The following SLC45A2 variants were observed in gnomAD, a reference collection of about 807,000 sequenced individuals.
SLC45A2 encodes the protein membrane-associated transporter protein.
Under a neutral mutation model 45.5 loss-of-function variants are expected in SLC45A2, and 36 were observed. That is an observed-to-expected ratio of 0.79 (90% CI 0.61 to 1.04). SLC45A2 has a LOEUF of 1.04. Among genes scored for constraint, SLC45A2 ranks in the 50% least tolerant of loss-of-function variants. The probability of loss-of-function intolerance (pLI) is 0.00; values close to 1 mark genes in which losing one functional copy is unlikely to be tolerated. For missense variants in SLC45A2, 719 were observed against 671.0 expected, an observed-to-expected ratio of 1.07 and a Z score of -0.79; for synonymous variants, 306 against 269.3, an observed-to-expected ratio of 1.14 and a Z score of -1.33.
intron 3 of SLC45A2, among the ~76,000 whole-genome samples, chr5:33,955,623 A>C (rs775319310): frequency 6.6e-6 from 1 of 152,074 alleles, no homozygotes; most frequent in Non-Finnish European, 1.5e-5. Flanking sequence ...ACAATGTAGA[A>C]CTCAAATATA....
At chr5:33,974,511 T>G (rs1752870053) in intron 2 of SLC45A2, among the ~76,000 whole-genome samples, 1 of 152,132 alleles carries the variant, frequency 6.6e-6, no homozygotes, top group Non-Finnish European at 1.5e-5. Context: ...GTGAATAATA[T>G]TTTGCTGTTG....
chr5:33,964,157 A>C (rs1309393227), intron 2 of SLC45A2, 141 bp from the exon 3 acceptor site: 1 of 863,990 alleles, frequency 1.2e-6, no homozygotes, highest in Non-Finnish European at 1.9e-6. Context: ...CAATACAGCA[A>C]GAGGCTGAAA....
intron 2 of SLC45A2, among the ~76,000 whole-genome samples, chr5:33,969,065 C>CTCTCTCTCTCTCTGTG: frequency 0.016 from 1,604 of 102,396 alleles, 64 homozygotes; most frequent in African/African-American, 0.053. Flanking sequence ...CTCTCTCTCT[C>CTCTCTCTCTCTCTGTG]TGTGTGTGTG....
chr5:33,951,256 A>T (rs1752087026), intron 5 of SLC45A2: 1 of 568,436 alleles, frequency 1.8e-6, no homozygotes, highest in South Asian at 2.0e-5. Context: ...ACCTGCTGGG[A>T]CTCATCCATC....
chr5:33,982,492 G>T, intron 1 of SLC45A2, 80 bp from the exon 2 acceptor site: 1 of 1,388,284 alleles, frequency 7.2e-7, no homozygotes, highest in Non-Finnish European at 1.0e-6. Context: ...TAAACTTCTT[G>T]CCATAAAATC....
chr5:33,954,769 C>T (rs920752580), intron 3 of SLC45A2, among the ~76,000 whole-genome samples: 3 of 152,224 alleles, frequency 2.0e-5, no homozygotes, highest in Middle Eastern at 3.4e-3. Context: ...AGCTTCAGGC[C>T]AAGGTGTAGG....
In SLC45A2 at chr5:33,954,378, TG is replaced by T. The variant is rs1427916078; in HGVS notation, c.1014del (p.Phe338LeufsTer60). On this transcript the variant is annotated frameshift_variant, in exon 4 of 7. Coordinates refer to ENST00000296589, the MANE Select transcript of SLC45A2 (RefSeq NM_016180.5). LOFTEE classifies it high-confidence loss of function. ...TTCATTACCTGGCCCATGAAATCTG[TG>T]AAGAACAGCATGTTGGACAGGAAGG... ...WTAFLSNMLF[F>X]TDFMGQIVYR... 10 of 1,614,040 alleles carry T rather than the reference TG, an allele frequency of 6.2e-6. No individual in the cohort carries two copies. Among genetic ancestry groups the T allele is most frequent in the Non-Finnish European group, 6.8e-6 (8 of 1,179,984 alleles).
At chr5:33,946,151 C>G (rs969521896) in intron 6 of SLC45A2, 1 of 985,298 alleles carries the variant, frequency 1.0e-6, no homozygotes, top group Non-Finnish European at 1.2e-6. Context: ...GTTTTCTTCC[C>G]CCAACACCAT....
chr5:33,957,126 AATG>A (rs1752297952), intron 3 of SLC45A2, among the ~76,000 whole-genome samples: 1 of 152,176 alleles, frequency 6.6e-6, no homozygotes, highest in South Asian at 2.1e-4. Context: ...AAATACAAAA[AATG>A]ATAATAGCTT....
At chr5:33,963,542 G>C in intron 3 of SLC45A2, 149 bp downstream of exon 3, 1 of 852,916 alleles carries the variant, frequency 1.2e-6, no homozygotes, top group Non-Finnish European at 1.9e-6. Flanking sequence ...TTAATTCCAA[G>C]GGATGATAGC....
At chr5:33,959,337 C>T (rs1256071320) in intron 3 of SLC45A2, among the ~76,000 whole-genome samples, 1 of 152,142 alleles carries the variant, frequency 6.6e-6, no homozygotes, top group Admixed American at 6.6e-5. Context: ...TTCCGTGATT[C>T]TTTGGCTGTC....
chr5:33,965,813 C>T (rs559263864), intron 2 of SLC45A2, among the ~76,000 whole-genome samples: 1 of 152,238 alleles, frequency 6.6e-6, no homozygotes, highest in Non-Finnish European at 1.5e-5. Context: ...TGTATTAAGT[C>T]TGCTCCCCAA....
intron 2 of SLC45A2, among the ~76,000 whole-genome samples, chr5:33,980,213 C>A (rs957594752): frequency 6.6e-6 from 1 of 152,116 alleles, no homozygotes; most frequent in East Asian, 1.9e-4. Context: ...ACCGAACCCC[C>A]CTCCTACTCC....
At chr5:33,970,566 T>TGTTG (rs3836801) in intron 2 of SLC45A2, among the ~76,000 whole-genome samples, 94,482 of 150,750 alleles carry the variant, frequency 0.63, 30,033 homozygotes, top group East Asian at 0.83. Context: ...CTGACTGGCT[T>TGTTG]GTTGGTTGGT....
rs1751956354 is a variant in SLC45A2 at position 33,947,190 on chromosome 5, A to T, written c.1341T>A (p.Thr447=). Residue 447 remains threonine (T), a synonymous_variant, in exon 6 of 7, where the codon ACT becomes ACA. Transcript: ENST00000296589. The part of the protein sequence containing the change: ...TLYTVPFNLI[T]EYHREEEKER... ...CCTTTTCTTCCTCGCGGTGGTACTC[A>T]GTAATGAGGTTAAAGGGCACAGTGT... 1 of 1,614,230 alleles carries T rather than the reference A, an allele frequency of 6.2e-7. No homozygotes were observed. Among genetic ancestry groups the T allele is most frequent in the Non-Finnish European group, 8.5e-7 (1 of 1,180,040 alleles).
chr5:33,967,156 C>A (rs1752625076), intron 2 of SLC45A2, among the ~76,000 whole-genome samples: 1 of 152,218 alleles, frequency 6.6e-6, no homozygotes, highest in African/African-American at 2.4e-5. Flanking sequence ...CTGAAGGCAG[C>A]CTGCCTGGAA....
chr5:33,960,282 T>C (rs1395620239), intron 3 of SLC45A2, among the ~76,000 whole-genome samples: 1 of 149,080 alleles, frequency 6.7e-6, no homozygotes, highest in Non-Finnish European at 1.5e-5. Flanking sequence ...ATCTGACATA[T>C]ATATATATAT....
intron 2 of SLC45A2, among the ~76,000 whole-genome samples, chr5:33,968,723 G>T (rs562286530): frequency 1.3e-4 from 20 of 152,342 alleles, no homozygotes; most frequent in Admixed American, 1.1e-3. Context: ...AAACTCAAGA[G>T]AGTCCATCTA....
intron 2 of SLC45A2, among the ~76,000 whole-genome samples, chr5:33,965,249 T>A (rs1405419588): frequency 6.6e-6 from 1 of 152,152 alleles, no homozygotes; most frequent in Non-Finnish European, 1.5e-5. Flanking sequence ...CTAAAGGAGT[T>A]CCTCTCTAAC....
Sources: allele counts gnomAD v4.1 joint callset (sites outside exome capture counted in the v4.1 genomes callset), GRCh38; gene constraint gnomAD v4.1.1; transcripts MANE v1.5; gene names NCBI Gene and HGNC (gene_info 2026-07-23, HGNC 2026-07-21).